Variants in SORCS1 observed in about 807,000 individuals in gnomAD.
SORCS1 encodes sortilin related VPS10 domain containing receptor 1, also known as VPS10 domain-containing receptor SorCS1.
SORCS1 carries 60 observed loss-of-function variants against 146.1 expected under a neutral mutation model. That is an observed-to-expected ratio of 0.41 (90% CI 0.33 to 0.51). SORCS1 has a LOEUF of 0.51. Ranked by LOEUF, SORCS1 falls within the 20% of genes least tolerant of loss-of-function variation. The pLI is 0.21. For missense variants in SORCS1, 1,352 were observed against 1,487.6 expected, an observed-to-expected ratio of 0.91 and a Z score of 1.50; for synonymous variants, 637 against 584.0, an observed-to-expected ratio of 1.09 and a Z score of -1.31.
At chr10:106,915,552 C>T (rs1952380278) in intron 2 of SORCS1, among the ~76,000 whole-genome samples, 1 of 152,142 alleles carries the variant, frequency 6.6e-6, no homozygotes, top group Non-Finnish European at 1.5e-5. Flanking sequence ...ACCCCACTCT[C>T]CCAGGCCCAC....
chr10:107,007,174 G>A (rs1422143885), intron 1 of SORCS1, among the ~76,000 whole-genome samples: 1 of 152,204 alleles, frequency 6.6e-6, no homozygotes, highest in African/African-American at 2.4e-5. Context: ...AGTGGTAACT[G>A]TGTGTGGTGA....
chr10:107,104,363 A>C (rs933307345), intron 1 of SORCS1, among the ~76,000 whole-genome samples: 3 of 152,188 alleles, frequency 2.0e-5, no homozygotes, highest in Admixed American at 1.3e-4. Context: ...GTTCCAAAAG[A>C]AGTCTGGAAA....
chr10:106,617,970 T>C (rs1184995296), intron 21 of SORCS1, among the ~76,000 whole-genome samples, 179 bp downstream of exon 21: 1 of 152,186 alleles, frequency 6.6e-6, no homozygotes, highest in Non-Finnish European at 1.5e-5. Context: ...GACGCTGTTT[T>C]ACCAGTGATT....
chr10:107,151,625 T>C lies in SORCS1; in HGVS notation c.558+12344A>G, dbSNP rs537229356. Among the ~76,000 whole-genome samples the C allele has an allele frequency of 2.2e-4, 34 of 152,164 alleles. No individual in the cohort carries two copies. In the South Asian group the frequency reaches 7.1e-3, roughly 32 times the overall value. ...CATGATTCCATTACCTCACCCTAGG[T>C]CCCTCCCACAACAAGTGGGAATTCT... On this transcript the variant is annotated intron_variant, in intron 1 of 25. Transcript: ENST00000263054.
At chr10:106,587,856 A>G (rs2133246574) in intron 24 of SORCS1, among the ~76,000 whole-genome samples, 1 of 152,202 alleles carries the variant, frequency 6.6e-6, no homozygotes, top group Admixed American at 6.5e-5. Context: ...GGGGGGGGTC[A>G]TGTTTTTTTA....
At chr10:106,608,342 G>A (rs1012177405) in intron 22 of SORCS1, among the ~76,000 whole-genome samples, 3 of 152,138 alleles carry the variant, frequency 2.0e-5, no homozygotes, top group Non-Finnish European at 4.4e-5. Flanking sequence ...CCACCAGAAT[G>A]TCTTTTCTCT....
chr10:106,760,945 A>G (rs2136247560), intron 5 of SORCS1, among the ~76,000 whole-genome samples: 1 of 152,152 alleles, frequency 6.6e-6, no homozygotes, highest in South Asian at 2.1e-4. Flanking sequence ...CATCTCTACT[A>G]AAAATCCAAA....
chr10:106,780,019 T>G (rs1341968630), intron 3 of SORCS1, among the ~76,000 whole-genome samples: 1 of 152,212 alleles, frequency 6.6e-6, no homozygotes, highest in Non-Finnish European at 1.5e-5. Flanking sequence ...AATTGATGTT[T>G]GTCCTACCAT....
intron 2 of SORCS1, among the ~76,000 whole-genome samples, chr10:106,912,092 G>C (rs555985589): frequency 1.4e-5 from 2 of 138,132 alleles, no homozygotes; most frequent in African/African-American, 5.6e-5. Flanking sequence ...CAGCCTGAGC[G>C]ACAGATTGAG....
At chr10:106,882,832 G>A (rs2137748604) in intron 2 of SORCS1, among the ~76,000 whole-genome samples, 1 of 152,262 alleles carries the variant, frequency 6.6e-6, no homozygotes, top group South Asian at 2.1e-4. Context: ...CACAGGCTTG[G>A]ATTTGGGGCT....
At chr10:107,103,103 G>A (rs1965054301) in intron 1 of SORCS1, among the ~76,000 whole-genome samples, 1 of 152,150 alleles carries the variant, frequency 6.6e-6, no homozygotes, top group South Asian at 2.1e-4. Flanking sequence ...TGACCACAAA[G>A]CATGGTGTAA....
intron 10 of SORCS1, among the ~76,000 whole-genome samples, chr10:106,683,414 A>G (rs995492373): frequency 2.0e-5 from 3 of 152,190 alleles, no homozygotes; most frequent in East Asian, 1.9e-4. Context: ...GGTTCCACAT[A>G]GAAGACAGAA....
chr10:106,902,616 T>A (rs1206367783), intron 2 of SORCS1, among the ~76,000 whole-genome samples: 1 of 152,238 alleles, frequency 6.6e-6, no homozygotes, highest in Non-Finnish European at 1.5e-5. Context: ...AAGAGATTCA[T>A]AGGTATAACT....
At chr10:106,972,380 CAAAAAAA>C (rs35202189) in intron 1 of SORCS1, among the ~76,000 whole-genome samples, 1 of 94,134 alleles carries the variant, frequency 1.1e-5, no homozygotes, top group Admixed American at 1.2e-4. Flanking sequence ...GACTCTGTCT[CAAAAAAA>C]AAAAAAAAAA....
intron 5 of SORCS1, among the ~76,000 whole-genome samples, chr10:106,746,758 A>T (rs189209302): frequency 6.6e-6 from 1 of 152,316 alleles, no homozygotes; most frequent in African/African-American, 2.4e-5. Context: ...CAACATAAAG[A>T]TGTTGGGTCC....
chr10:107,049,554 T>C (rs996758424), intron 1 of SORCS1, among the ~76,000 whole-genome samples: 8 of 152,146 alleles, frequency 5.3e-5, no homozygotes, highest in Non-Finnish European at 8.8e-5. Flanking sequence ...AACTTCTTCA[T>C]TGTTACATTT....
chr10:106,617,677 C>A (rs1170992751), intron 21 of SORCS1, among the ~76,000 whole-genome samples: 1 of 152,118 alleles, frequency 6.6e-6, no homozygotes, highest in South Asian at 2.1e-4. Flanking sequence ...ATGACCCTTC[C>A]ATCACTCTCA....
chr10:107,163,832 G>A, intron 1 of SORCS1, 137 bp downstream of exon 1: 3 of 951,516 alleles, frequency 3.2e-6, no homozygotes, highest in South Asian at 1.7e-5. Context: ...ACTCTTGGGG[G>A]AAGTGGGCAG....
At chr10:106,756,741 T>C (rs1858672226) in intron 5 of SORCS1, among the ~76,000 whole-genome samples, 1 of 152,186 alleles carries the variant, frequency 6.6e-6, no homozygotes, top group African/African-American at 2.4e-5. Flanking sequence ...TAGATAAACA[T>C]AGAAATTGAC....
Sources: gnomAD v4.1 joint callset for allele counts (sites outside exome capture counted in the v4.1 genomes callset) on GRCh38, gnomAD v4.1.1 for gene constraint, MANE v1.5 for transcripts, NCBI Gene and HGNC (gene_info 2026-07-23, HGNC 2026-07-21) for gene names.